The following CLVS1 variants were observed in gnomAD, a reference collection of about 807,000 sequenced individuals.
CLVS1 encodes the protein clavesin 1.
Under a neutral mutation model 33.1 loss-of-function variants are expected in CLVS1, and 10 were observed. The observed-to-expected ratio is 0.30, with a 90% CI of 0.19 to 0.51. The LOEUF is 0.51. Ranked by LOEUF, CLVS1 falls within the 20% of genes least tolerant of loss-of-function variation. The pLI is 0.97. For synonymous variants in CLVS1, 163 were observed against 166.1 expected (o/e 0.98, Z 0.14); for missense variants, 343 against 433.4 (o/e 0.79, Z 1.85).
chr8:61,212,466 G>A (rs1807990939), intron 2 of CLVS1, among the ~76,000 whole-genome samples: 1 of 152,170 alleles, frequency 6.6e-6, no homozygotes, highest in Non-Finnish European at 1.5e-5. Context: ...TACTGAGGCT[G>A]GCGCTGCCCA....
intron 1 of CLVS1, among the ~76,000 whole-genome samples, chr8:61,063,144 A>G (rs1306664719): frequency 6.6e-6 from 1 of 152,162 alleles, no homozygotes; most frequent in African/African-American, 2.4e-5. Flanking sequence ...TAAGTAAGAC[A>G]AAGGCTTTGC....
chr8:61,396,855 A>T (rs2129603304), intron 3 of CLVS1, among the ~76,000 whole-genome samples: 1 of 152,298 alleles, frequency 6.6e-6, no homozygotes, highest in Admixed American at 6.5e-5. Flanking sequence ...TTCCAGGTAT[A>T]GCATGTGCCA....
chr8:60,973,336 G>T, the CLVS1 span, among the ~76,000 whole-genome samples: 3 of 152,138 alleles, frequency 2.0e-5, no homozygotes, highest in South Asian at 4.1e-4. Flanking sequence ...TTGGAAATAG[G>T]TATATTTCAG....
At position 61,358,396 on chromosome 8, in the gene CLVS1, AC is replaced by A. The variant is rs565930396; in HGVS notation, c.456-18208del. On this transcript the variant is annotated intron_variant, in intron 2 of 5. Coordinates refer to ENST00000325897, the MANE Select transcript of CLVS1 (RefSeq NM_173519.3). ...CATTATGCATATTTAGTCATATGTG[AC>A]TTTCCTCTGTATCTTTCCAAAGTCT... Among the ~76,000 whole-genome samples the A allele has an allele frequency of 5.9e-5, 9 of 152,324 alleles. No homozygotes were observed. In the South Asian group the frequency reaches 1.9e-3, roughly 32 times the overall value.
At chr8:61,033,061 T>A in the CLVS1 span, among the ~76,000 whole-genome samples, 2,831 of 42,404 alleles carry the variant, frequency 0.067, 272 homozygotes, top group Middle Eastern at 0.09. Flanking sequence ...GAAAGAAAGA[T>A]AGAAAGAAAG....
chr8:61,253,158 T>C (rs2129591783), intron 2 of CLVS1, among the ~76,000 whole-genome samples: 2 of 152,292 alleles, frequency 1.3e-5, no homozygotes, highest in South Asian at 4.1e-4. Context: ...TGAAAAGTAT[T>C]TTATTTCTCC....
chr8:61,127,816 C>T (rs906327662), intron 1 of CLVS1, among the ~76,000 whole-genome samples: 6 of 152,200 alleles, frequency 3.9e-5, no homozygotes, highest in African/African-American at 7.2e-5. Flanking sequence ...TCTAGGTACA[C>T]AGTCTGTCTA....
intron 2 of CLVS1, among the ~76,000 whole-genome samples, chr8:61,342,450 G>T (rs916700030): frequency 7.9e-5 from 12 of 152,166 alleles, no homozygotes; most frequent in African/African-American, 2.4e-4. Flanking sequence ...CCTGAGAAGC[G>T]CTTGTCTGCC....
At chr8:61,410,727 C>T (rs897713943) in intron 3 of CLVS1, among the ~76,000 whole-genome samples, 9 of 152,096 alleles carry the variant, frequency 5.9e-5, no homozygotes, top group South Asian at 2.1e-4. Flanking sequence ...CTGCAGCCTC[C>T]GCCTCCTGGG....
At chr8:61,463,661 TC>T (rs1308519295) in intron 5 of CLVS1, among the ~76,000 whole-genome samples, 1 of 152,188 alleles carries the variant, frequency 6.6e-6, no homozygotes, top group Non-Finnish European at 1.5e-5. Context: ...ACACCATTTA[TC>T]AATTAAGTAT....
intron 3 of CLVS1, among the ~76,000 whole-genome samples, chr8:61,406,312 A>G (rs1814983275): frequency 6.6e-6 from 1 of 152,206 alleles, no homozygotes; most frequent in Non-Finnish European, 1.5e-5. Context: ...TACCTGTCAG[A>G]ACAGATCAGT....
intron 5 of CLVS1, among the ~76,000 whole-genome samples, chr8:61,496,697 G>T (rs1804279802): frequency 6.6e-6 from 1 of 152,114 alleles, no homozygotes; most frequent in Admixed American, 6.6e-5. Flanking sequence ...TGAGACACTT[G>T]TACTGATTTG....
chr8:61,249,640 G>T (rs1389804322), intron 2 of CLVS1, among the ~76,000 whole-genome samples: 2 of 152,266 alleles, frequency 1.3e-5, no homozygotes, highest in East Asian at 3.9e-4. Context: ...GTATCTCATT[G>T]TGATTTTGAT....
intron 2 of CLVS1, among the ~76,000 whole-genome samples, chr8:61,335,226 A>G (rs1811754296): frequency 6.6e-6 from 1 of 152,240 alleles, no homozygotes; most frequent in Admixed American, 6.5e-5. Context: ...CTCCCAAACC[A>G]TAATTTCTAA....
chr8:61,005,463 A>G, the CLVS1 span, among the ~76,000 whole-genome samples: 113 of 151,600 alleles, frequency 7.5e-4, 1 homozygote, highest in Middle Eastern at 3.4e-3. Context: ...CAAGGAGCAC[A>G]TGAGCTTTAC....
At chr8:60,967,383 C>A in the CLVS1 span, among the ~76,000 whole-genome samples, 1 of 152,164 alleles carries the variant, frequency 6.6e-6, no homozygotes, top group East Asian at 1.9e-4. Flanking sequence ...AGAGAAAACT[C>A]ACTGGAGAAA....
chr8:61,135,449 T>C (rs1169906083), intron 2 of CLVS1, among the ~76,000 whole-genome samples: 1 of 152,176 alleles, frequency 6.6e-6, no homozygotes, highest in African/African-American at 2.4e-5. Flanking sequence ...TGTGCTGGGA[T>C]GATTTTAATG....
Position 61,206,557 on chromosome 8 carries a change from C to A in CLVS1, c.-152+74697C>A, listed in dbSNP as rs567150821. On this transcript the variant is annotated intron_variant, in intron 2 of 2. Transcript: ENST00000522621. ...TCCCTTGTTATGTACTGCCTTACAG[C>A]ATTTATCTTAATTTTCTTTTCTTTT... is the stretch of plus-strand genomic sequence containing the variant. 4.6e-5 allele frequency among the ~76,000 whole-genome samples: 7 copies of A among 151,880 alleles called. No individual in the cohort carries two copies. The South Asian group carries it at 1.3e-3, about 27-fold the overall frequency.
the CLVS1 span, among the ~76,000 whole-genome samples, chr8:60,986,179 G>A: frequency 6.6e-6 from 1 of 152,168 alleles, no homozygotes; most frequent in African/African-American, 2.4e-5. Flanking sequence ...TGTCACAGGG[G>A]CAGGCCAGTG....
Sources: gnomAD v4.1 joint callset for allele counts (sites outside exome capture counted in the v4.1 genomes callset) on GRCh38, gnomAD v4.1.1 for gene constraint, MANE v1.5 for transcripts, NCBI Gene and HGNC (gene_info 2026-07-23, HGNC 2026-07-21) for gene names.